The following FOXP2 variants were observed in gnomAD, a reference collection of about 807,000 sequenced individuals.
FOXP2 encodes forkhead box protein P2.
Under a neutral mutation model 115.8 loss-of-function variants are expected in FOXP2, and 12 were observed. That is an observed-to-expected ratio of 0.10 (90% CI 0.07 to 0.17). The LOEUF (loss-of-function observed/expected upper bound fraction) is 0.17. Among genes scored for constraint, FOXP2 ranks in the 10% least tolerant of loss-of-function variants. FOXP2 has a pLI of 1.00. For missense variants in FOXP2, 629 were observed against 843.5 expected (o/e 0.75, Z 3.15); for synonymous variants, 328 against 297.7 (o/e 1.10, Z -1.05).
At chr7:114,249,679 G>T (rs1795385708) in intron 1 of FOXP2, among the ~76,000 whole-genome samples, 1 of 152,024 alleles carries the variant, frequency 6.6e-6, no homozygotes, top group Admixed American at 6.6e-5. Flanking sequence ...TAACATATGT[G>T]TGCATGTATC....
chr7:114,159,091 G>T (rs1401393373), upstream of FOXP2, among the ~76,000 whole-genome samples: 2 of 152,068 alleles, frequency 1.3e-5, no homozygotes, highest in Non-Finnish European at 2.9e-5. Context: ...TCAAGAAAAA[G>T]AATACAAATT....
rs184120304 is a variant in FOXP2, at chr7:114,287,811, A to G, written c.-101-208A>G. ...CTCCGTGGCCTTTGCTTTATACCAA[A>G]CAATGTCTTGAAAGTTCTCTAAATT... On this transcript the variant is annotated intron_variant, in intron 1 of 17. Transcript: ENST00000634411. Among the ~76,000 whole-genome samples, 605 of 152,074 alleles carry G rather than the reference A, an allele frequency of 4.0e-3. 7 individuals carry two copies. The highest frequency in any genetic ancestry group is 0.014 in the African/African-American group (583 of 41,522).
chr7:114,271,980 TATATATA>T (rs1412710592), intron 1 of FOXP2, among the ~76,000 whole-genome samples: 3 of 134,060 alleles, frequency 2.2e-5, no homozygotes, highest in South Asian at 4.3e-4. Flanking sequence ...ATAATATAAT[TATATATA>T]ATATATAATA....
intron 16 of FOXP2, among the ~76,000 whole-genome samples, chr7:114,684,030 T>C (rs1374190922): frequency 6.6e-6 from 1 of 152,132 alleles, no homozygotes; most frequent in Non-Finnish European, 1.5e-5. Flanking sequence ...TTAGTCATTC[T>C]TTTAAAAAAT....
intron 2 of FOXP2, among the ~76,000 whole-genome samples, chr7:114,318,116 T>A (rs1465525924): frequency 1.3e-5 from 2 of 152,178 alleles, no homozygotes; most frequent in Non-Finnish European, 2.9e-5. Flanking sequence ...TTAGAAAAAA[T>A]TCTAATTTTT....
At chr7:114,520,323 A>G (rs1798552836) in intron 2 of FOXP2, among the ~76,000 whole-genome samples, 1 of 152,088 alleles carries the variant, frequency 6.6e-6, no homozygotes, top group Non-Finnish European at 1.5e-5. Flanking sequence ...GATCTACCAT[A>G]TTTTGAATAA....
chr7:114,482,086 T>A (rs1796576556), intron 2 of FOXP2, among the ~76,000 whole-genome samples: 1 of 151,404 alleles, frequency 6.6e-6, no homozygotes, highest in East Asian at 1.9e-4. Flanking sequence ...AGAAATTAAA[T>A]CCTATTAGTA....
intron 2 of FOXP2, among the ~76,000 whole-genome samples, chr7:114,482,882 T>C (rs1358124334): frequency 6.6e-6 from 1 of 151,694 alleles, no homozygotes; most frequent in Non-Finnish European, 1.5e-5. Flanking sequence ...AACTTTATGA[T>C]AGAAGAGAAT....
intron 3 of FOXP2, among the ~76,000 whole-genome samples, chr7:114,549,939 T>C (rs1800116912): frequency 6.6e-6 from 1 of 152,090 alleles, no homozygotes; most frequent in Non-Finnish European, 1.5e-5. Context: ...GTTTTTCTTT[T>C]ATGTGGTTTC....
chr7:114,235,456 A>G (rs1794986188), intron 1 of FOXP2, among the ~76,000 whole-genome samples: 1 of 152,140 alleles, frequency 6.6e-6, no homozygotes, highest in Admixed American at 6.6e-5. Flanking sequence ...TTGAAATTCA[A>G]CTGGACAAAG....
At chr7:114,115,926 C>A (rs1274458668) in intron 1 of FOXP2, among the ~76,000 whole-genome samples, 7 of 152,066 alleles carry the variant, frequency 4.6e-5, no homozygotes, top group Admixed American at 2.6e-4. Context: ...TATTTATTCA[C>A]TTATCTCTGC....
At chr7:114,448,663 A>G (rs1356548729) in intron 2 of FOXP2, among the ~76,000 whole-genome samples, 6 of 152,160 alleles carry the variant, frequency 3.9e-5, no homozygotes, top group African/African-American at 1.2e-4. Context: ...CTTTCTAGAT[A>G]AGAAATGGCC....
intron 2 of FOXP2, chr7:114,366,369 G>C (rs1397120018): frequency 5.3e-5 from 8 of 152,094 alleles, no homozygotes. Flanking sequence ...GTAAACGATG[G>C]ATCATAATTA....
intron 2 of FOXP2, among the ~76,000 whole-genome samples, chr7:114,358,269 C>T (rs554535281): frequency 5.3e-5 from 8 of 152,274 alleles, no homozygotes; most frequent in African/African-American, 1.9e-4. Context: ...GAGGCCTCCC[C>T]AGCCATGTGG....
At chr7:114,638,300 G>C (rs1805335402) in intron 6 of FOXP2, among the ~76,000 whole-genome samples, 1 of 152,082 alleles carries the variant, frequency 6.6e-6, no homozygotes, top group South Asian at 2.1e-4. Flanking sequence ...GGTTTTCCTT[G>C]TTACTACACA....
rs569403571 is a variant in FOXP2, at chr7:114,279,233, C to T, written c.-101-8786C>T. ...AAAACATTAACGTGTAGAGGATGCTCCTTACTGGTAAATGTATTATATTGT... is the reference window on the plus strand; with the variant it reads ...AAAACATTAACGTGTAGAGGATGCTTCTTACTGGTAAATGTATTATATTGT... On this transcript the variant is annotated intron_variant, in intron 1 of 17. Transcript: ENST00000634411. Among the ~76,000 whole-genome samples, 3 of 152,178 alleles carry T rather than the reference C, an allele frequency of 2.0e-5. No homozygotes were observed. In the South Asian group the frequency reaches 6.2e-4, roughly 32 times the overall value.
chr7:114,649,643 G>A (rs912717018), intron 8 of FOXP2, among the ~76,000 whole-genome samples: 2 of 151,970 alleles, frequency 1.3e-5, no homozygotes, highest in South Asian at 2.1e-4. Flanking sequence ...TTATTACATT[G>A]TATTTATATC....
At chr7:114,349,129 T>G (rs1056621387) in intron 2 of FOXP2, among the ~76,000 whole-genome samples, 1 of 149,448 alleles carries the variant, frequency 6.7e-6, no homozygotes, top group African/African-American at 2.5e-5. Context: ...CTTTACTATG[T>G]TTTTTTTTCT....
intron 1 of FOXP2, among the ~76,000 whole-genome samples, chr7:114,102,165 T>C (rs192971374): frequency 6.6e-6 from 1 of 152,258 alleles, no homozygotes; most frequent in East Asian, 1.9e-4. Context: ...TGTATGTCAC[T>C]TCTAAGGTTG....
Sources: allele counts gnomAD v4.1 joint callset (sites outside exome capture counted in the v4.1 genomes callset), GRCh38; gene constraint gnomAD v4.1.1; transcripts MANE v1.5; gene names NCBI Gene and HGNC (gene_info 2026-07-23, HGNC 2026-07-21).